FRMD6: variants seen among roughly 807,000 people sequenced by gnomAD.
The protein encoded by FRMD6 is FERM domain containing 6.
A neutral mutation model predicts 73.2 loss-of-function variants in FRMD6; 37 were observed. That is an observed-to-expected ratio of 0.51 (90% confidence interval 0.39 to 0.66). The LOEUF is 0.66. FRMD6 is among the 30% of genes least tolerant of loss of function. The pLI, the probability that FRMD6 is intolerant of heterozygous loss-of-function variation, is 0.00. For synonymous variants in FRMD6, 273 were observed against 282.2 expected, an observed-to-expected ratio of 0.97 and a Z score of 0.33; for missense variants, 714 against 780.5, an observed-to-expected ratio of 0.91 and a Z score of 1.02.
chr14:51,621,912 G>A (rs1418065819), intron 2 of FRMD6, among the ~76,000 whole-genome samples: 1 of 152,150 alleles, frequency 6.6e-6, no homozygotes, highest in Non-Finnish European at 1.5e-5. Context: ...ATAAATAGGT[G>A]ACCATATCAT....
At chr14:51,478,569 G>A in the FRMD6 span, among the ~76,000 whole-genome samples, 1 of 152,166 alleles carries the variant, frequency 6.6e-6, no homozygotes, top group Non-Finnish European at 1.5e-5. Flanking sequence ...GATCTGAAGT[G>A]GGAGGGAGGA....
chr14:51,714,295 A>C (rs1343413595), intron 9 of FRMD6: 2 of 149,964 alleles, frequency 1.3e-5, no homozygotes, highest in Non-Finnish European at 3.0e-5. Context: ...GTTCCTTTAA[A>C]ATGAGGGAAA....
chr14:51,681,185 T>C (rs953453588), intron 1 of FRMD6, among the ~76,000 whole-genome samples: 3 of 152,236 alleles, frequency 2.0e-5, no homozygotes, highest in South Asian at 4.1e-4. Context: ...GAAGGTTCTT[T>C]TTTTGTTCCT....
chr14:51,416,211 C>T, the FRMD6 span, among the ~76,000 whole-genome samples: 1 of 152,158 alleles, frequency 6.6e-6, no homozygotes, highest in Admixed American at 6.5e-5. Context: ...AATTTGTTTG[C>T]TCTTGCTTCT....
intron 1 of FRMD6, among the ~76,000 whole-genome samples, chr14:51,535,857 T>C (rs1047388657): frequency 1.3e-5 from 2 of 152,024 alleles, no homozygotes; most frequent in Non-Finnish European, 2.9e-5. Context: ...TCTACACTTA[T>C]TATTGTCTGA....
chr14:51,494,150 A>G (rs1242085537), intron 1 of FRMD6, among the ~76,000 whole-genome samples: 1 of 152,212 alleles, frequency 6.6e-6, no homozygotes, highest in Non-Finnish European at 1.5e-5. Flanking sequence ...TTCTTCTTTC[A>G]TGCAAAATAC....
the FRMD6 span, among the ~76,000 whole-genome samples, chr14:51,481,009 C>T: frequency 7.9e-5 from 12 of 152,144 alleles, no homozygotes; most frequent in African/African-American, 2.9e-4. Flanking sequence ...TGTGAAACCA[C>T]ATGTAAAATA....
chr14:51,625,874 A>G (rs1443458734), intron 2 of FRMD6, among the ~76,000 whole-genome samples: 1 of 152,186 alleles, frequency 6.6e-6, no homozygotes. Flanking sequence ...CATTCTTTTT[A>G]GAACTTAGTA....
At chr14:51,518,580 T>G (rs1001607902) in intron 1 of FRMD6, among the ~76,000 whole-genome samples, 1 of 152,220 alleles carries the variant, frequency 6.6e-6, no homozygotes, top group African/African-American at 2.4e-5. Flanking sequence ...TAAATACTAT[T>G]ATAATGGTGG....
intron 1 of FRMD6, among the ~76,000 whole-genome samples, chr14:51,570,111 G>A (rs923098410): frequency 9.2e-5 from 14 of 152,148 alleles, no homozygotes; most frequent in African/African-American, 2.9e-4. Flanking sequence ...CACTGCGCCC[G>A]GCCCATGAGC....
chr14:51,504,185 G>T (rs1883804276), intron 1 of FRMD6, among the ~76,000 whole-genome samples: 1 of 152,086 alleles, frequency 6.6e-6, no homozygotes, highest in Non-Finnish European at 1.5e-5. Context: ...TCTACCATAG[G>T]GCTGCTGTGG....
At chr14:51,409,299 G>A in the FRMD6 span, among the ~76,000 whole-genome samples, 47 of 148,004 alleles carry the variant, frequency 3.2e-4, no homozygotes, top group South Asian at 9.9e-3. Context: ...CTAAGTGCTC[G>A]ACTTACTCTT....
intron 2 of FRMD6, among the ~76,000 whole-genome samples, chr14:51,601,647 G>A (rs1890041819): frequency 6.6e-6 from 1 of 152,092 alleles, no homozygotes; most frequent in Non-Finnish European, 1.5e-5. Context: ...TATCATTTAT[G>A]CACAAGTAAA....
the FRMD6 span, among the ~76,000 whole-genome samples, chr14:51,456,938 A>C: frequency 2.4e-4 from 37 of 152,282 alleles, no homozygotes; most frequent in African/African-American, 8.9e-4. Context: ...TGGAATCTAA[A>C]AAAGTTGATC....
chr14:51,470,510 A>AAAC, the FRMD6 span, among the ~76,000 whole-genome samples: 17 of 103,696 alleles, frequency 1.6e-4, no homozygotes, highest in African/African-American at 6.1e-4. Flanking sequence ...AAAAAAAACC[A>AAAC]AAAAAAAACC....
At chr14:51,704,718 A>G (rs1466471451) in intron 5 of FRMD6, 31 bp from the exon 6 acceptor site, 1 of 1,568,474 alleles carries the variant, frequency 6.4e-7, no homozygotes, top group Admixed American at 1.7e-5. Flanking sequence ...TTCCATCAAA[A>G]TGTGAGTTCT....
intron 2 of FRMD6, among the ~76,000 whole-genome samples, chr14:51,697,245 C>A (rs1896008465): frequency 6.6e-6 from 1 of 152,084 alleles, no homozygotes. Flanking sequence ...TCATAACAGT[C>A]AAGGTATGGA....
At chr14:51,625,463 T>TG (rs1304936601) in intron 2 of FRMD6, among the ~76,000 whole-genome samples, 3 of 115,126 alleles carry the variant, frequency 2.6e-5, no homozygotes, top group Non-Finnish European at 4.1e-5. Flanking sequence ...ATCTTTTTTT[T>TG]TTGTTGTTGT....
chr14:51,552,484 T>G (rs544248774), intron 1 of FRMD6, among the ~76,000 whole-genome samples: 36 of 152,298 alleles, frequency 2.4e-4, no homozygotes, highest in Non-Finnish European at 4.7e-4. Flanking sequence ...ATTTCACAGG[T>G]TAAGTGGCGC....
Sources: allele counts gnomAD v4.1 joint callset (sites outside exome capture counted in the v4.1 genomes callset), GRCh38; gene constraint gnomAD v4.1.1; transcripts MANE v1.5; gene names NCBI Gene and HGNC (gene_info 2026-07-23, HGNC 2026-07-21).